RERE: variants seen among roughly 807,000 people sequenced by gnomAD.
RERE encodes arginine-glutamic acid dipeptide repeats.
In RERE, 40 loss-of-function variants were observed where a neutral mutation model predicts 146.1. The ratio of observed to expected loss-of-function variants is 0.27; its 90% CI spans 0.21 to 0.36. RERE has a LOEUF of 0.36. Among genes scored for constraint, RERE ranks in the 10% least tolerant of loss-of-function variants. The probability of loss-of-function intolerance (pLI) is 1.00; values close to 1 mark genes in which losing one functional copy is unlikely to be tolerated. For synonymous variants in RERE, 1,003 were observed against 866.0 expected, an observed-to-expected ratio of 1.16 and a Z score of -2.78; for missense variants, 1,933 against 2,138.7, an observed-to-expected ratio of 0.90 and a Z score of 1.90.
chr1:8,433,623 C>G (rs1226372849), intron 11 of RERE, among the ~76,000 whole-genome samples: 1 of 149,886 alleles, frequency 6.7e-6, no homozygotes, highest in Non-Finnish European at 1.5e-5. Flanking sequence ...TGCAGTGGCG[C>G]AATCTCGGCT....
At chr1:8,726,147 C>CTTTTTTTTTTTTTTTT (rs70985511) in intron 1 of RERE, among the ~76,000 whole-genome samples, 6 of 69,406 alleles carry the variant, frequency 8.6e-5, no homozygotes, top group African/African-American at 2.6e-4. Context: ...TTTTTCTTTT[C>CTTTTTTTTTTTTTTTT]TTTTTTTTTT....
intron 11 of RERE, among the ~76,000 whole-genome samples, chr1:8,426,766 T>TA (rs974627142): frequency 2.0e-5 from 3 of 152,176 alleles, no homozygotes; most frequent in African/African-American, 7.2e-5. Context: ...AGATGTCCAG[T>TA]AATGCCAACT....
chr1:8,791,546 G>A (rs1641363892), intron 1 of RERE, among the ~76,000 whole-genome samples: 1 of 152,172 alleles, frequency 6.6e-6, no homozygotes, highest in African/African-American at 2.4e-5. Flanking sequence ...AAATGCCCAG[G>A]GGAAGGGAGA....
At chr1:8,556,391 C>A in intron 6 of RERE, 84 bp downstream of exon 6, 2 of 826,814 alleles carry the variant, frequency 2.4e-6, no homozygotes, top group South Asian at 1.4e-5. Context: ...ACAGTGACTA[C>A]TAAAAGATCA....
At chr1:8,512,493 A>T (rs957495182) in intron 7 of RERE, among the ~76,000 whole-genome samples, 1 of 151,930 alleles carries the variant, frequency 6.6e-6, no homozygotes, top group Non-Finnish European at 1.5e-5. Flanking sequence ...TGTTTCAACA[A>T]TGTCTGAACA....
chr1:8,500,232 T>C (rs1382665256), intron 8 of RERE, among the ~76,000 whole-genome samples: 2 of 152,226 alleles, frequency 1.3e-5, no homozygotes, highest in Non-Finnish European at 2.9e-5. Context: ...AGTACAGTAC[T>C]GGGTACAGCA....
chr1:8,695,173 A>G (rs1284298301), intron 1 of RERE, among the ~76,000 whole-genome samples: 2 of 152,200 alleles, frequency 1.3e-5, no homozygotes, highest in African/African-American at 4.8e-5. Context: ...CAATGGGTAA[A>G]GGACTGCCTA....
At chr1:8,789,299 A>AT (rs1287393421) in intron 1 of RERE, among the ~76,000 whole-genome samples, 1,011 of 54,442 alleles carry the variant, frequency 0.019, 5 homozygotes, top group Middle Eastern at 0.041. Flanking sequence ...AAAAAAAAAA[A>AT]AAATATATAT....
chr1:8,785,211 G>A (rs755784203), intron 1 of RERE, among the ~76,000 whole-genome samples: 17 of 152,134 alleles, frequency 1.1e-4, no homozygotes, highest in Non-Finnish European at 1.3e-4. Flanking sequence ...ACCATAAAGC[G>A]TAACAATGAA....
At position 8,497,478 on chromosome 1, in the gene RERE, T is replaced by A. The variant is rs967192884; in HGVS notation, c.931A>T (p.Thr311Ser). 1 of 1,614,142 alleles carries A rather than the reference T, an allele frequency of 6.2e-7. No individual in the cohort carries two copies. Among genetic ancestry groups the A allele is most frequent in the Non-Finnish European group, 8.5e-7 (1 of 1,180,010 alleles). Reference protein sequence around the residue: ...PFPSPDGDTVTQHEELVWMPG... With the variant: ...PFPSPDGDTVSQHEELVWMPG... ...ATCCAGACCAGTTCCTCATGTTGGG[T>A]CACTGTATCACCATCTGGAGAAGGA... Residue 311 changes from threonine (T) to serine (S), a missense_variant, in exon 9 of 23, where the codon ACC becomes TCC. By Grantham distance (58) the Thr-to-Ser change is moderately conservative. Transcript: ENST00000400908.
chr1:8,603,808 A>G (rs57445872), intron 4 of RERE, among the ~76,000 whole-genome samples: 5,871 of 151,994 alleles, frequency 0.039, 369 homozygotes, highest in African/African-American at 0.13. Context: ...AAATTTTAAA[A>G]TTAGCAGGGC....
At chr1:8,643,695 T>TG (rs1230522636) in intron 2 of RERE, among the ~76,000 whole-genome samples, 2 of 152,138 alleles carry the variant, frequency 1.3e-5, no homozygotes, top group Non-Finnish European at 1.5e-5. Context: ...TGCAGTAATC[T>TG]GGGGGTTTTT....
intron 1 of RERE, among the ~76,000 whole-genome samples, chr1:8,671,443 G>A (rs762704136): frequency 5.9e-5 from 9 of 152,162 alleles, no homozygotes; most frequent in Non-Finnish European, 1.3e-4. Context: ...AACCGCTGAA[G>A]TCCTTCCTGG....
chr1:8,550,647 A>G (rs1426193763), intron 6 of RERE, among the ~76,000 whole-genome samples: 4 of 152,134 alleles, frequency 2.6e-5, no homozygotes, highest in Non-Finnish European at 4.4e-5. Context: ...CCCAGGTTAA[A>G]GCGATTCTCC....
intron 1 of RERE, among the ~76,000 whole-genome samples, chr1:8,795,940 C>A (rs531842952): frequency 6.9e-6 from 1 of 145,132 alleles, no homozygotes; most frequent in Admixed American, 7.2e-5. Flanking sequence ...CGCGATTGCA[C>A]CATTACACTC....
chr1:8,554,280 A>G (rs1467017468), intron 6 of RERE, among the ~76,000 whole-genome samples: 8 of 152,330 alleles, frequency 5.3e-5, no homozygotes, highest in East Asian at 1.9e-4. Flanking sequence ...ATACAGTTAC[A>G]TATCTCACAT....
Position 8,483,420 on chromosome 1 carries a change from T to C in RERE, c.1104+11643A>G, listed in dbSNP as rs141367793. On this transcript the variant is annotated intron_variant, in intron 10 of 22. Coordinates refer to ENST00000400908, the MANE Select transcript of RERE (RefSeq NM_001042681.2). ...AAAGCTAATCCAGGTCCAGATACTT[T>C]AGTGAAGGCCATTTATAATGAACAA... Among the ~76,000 whole-genome samples, 176 of 152,318 alleles carry C rather than the reference T, an allele frequency of 1.2e-3. 2 individuals carry two copies. Among genetic ancestry groups the C allele is most frequent in the African/African-American group, 3.8e-3 (159 of 41,576 alleles).
intron 4 of RERE, among the ~76,000 whole-genome samples, chr1:8,590,623 T>C (rs1646480987): frequency 6.6e-6 from 1 of 152,226 alleles, no homozygotes; most frequent in African/African-American, 2.4e-5. Flanking sequence ...CCTATGCTGC[T>C]GGAAATAGTA....
intron 10 of RERE, among the ~76,000 whole-genome samples, chr1:8,489,620 A>G (rs920624012): frequency 2.0e-5 from 3 of 152,174 alleles, no homozygotes; most frequent in African/African-American, 7.2e-5. Context: ...TAAAACCTCA[A>G]TGAGATACCA....
Sources: gnomAD v4.1 joint callset for allele counts (sites outside exome capture counted in the v4.1 genomes callset) on GRCh38, gnomAD v4.1.1 for gene constraint, MANE v1.5 for transcripts, NCBI Gene and HGNC (gene_info 2026-07-23, HGNC 2026-07-21) for gene names.